The following STXBP5 variants were observed in gnomAD, a reference collection of about 807,000 sequenced individuals.
STXBP5 encodes the protein syntaxin binding protein 5.
STXBP5 carries 50 observed loss-of-function variants against 152.4 expected under a neutral mutation model. That is an observed-to-expected ratio of 0.33 (90% CI 0.26 to 0.42). The LOEUF (loss-of-function observed/expected upper bound fraction) is 0.42. STXBP5 is among the 10% of genes least tolerant of loss of function. The probability of loss-of-function intolerance (pLI) is 1.00; values close to 1 mark genes in which losing one functional copy is unlikely to be tolerated. For synonymous variants in STXBP5, 492 were observed against 494.7 expected (o/e 0.99, Z 0.07); for missense variants, 1,167 against 1,388.6 (o/e 0.84, Z 2.54).
At chr6:147,245,147 C>T (rs1304917055) in intron 4 of STXBP5, among the ~76,000 whole-genome samples, 1 of 151,712 alleles carries the variant, frequency 6.6e-6, no homozygotes, top group Non-Finnish European at 1.5e-5. Flanking sequence ...CACCACCAAG[C>T]CCGGCTAATT....
intron 25 of STXBP5, among the ~76,000 whole-genome samples, chr6:147,364,474 C>T (rs1785203696): frequency 6.6e-6 from 1 of 152,074 alleles, no homozygotes; most frequent in Non-Finnish European, 1.5e-5. Flanking sequence ...ATCTATTATA[C>T]ACACACACAG....
intron 9 of STXBP5, among the ~76,000 whole-genome samples, chr6:147,297,496 A>G (rs1272694782): frequency 1.3e-5 from 2 of 152,184 alleles, no homozygotes; most frequent in Admixed American, 6.5e-5. Context: ...AATTACTGTC[A>G]TGAAAACATC....
Position 147,311,440 on chromosome 6 carries a change from A to T in STXBP5, c.1073-15A>T. ...GCATTTTTGAAACTATAATTCATGC[A>T]TTGTCCAATTCCAGATTTTCAAGAA... On this transcript the variant is annotated splice_polypyrimidine_tract_variant and intron_variant, in intron 10 of 27. Transcript: ENST00000321680. The T allele has an allele frequency of 6.2e-7, 1 of 1,609,472 alleles. No homozygotes were observed. The highest frequency in any genetic ancestry group is 1.1e-5 in the South Asian group (1 of 90,506).
chr6:147,204,443 T>G lies in STXBP5; in HGVS notation c.-90T>G. On this transcript the variant is annotated 5_prime_UTR_variant, in exon 1 of 28. Transcript: ENST00000321680. This position sits in a 1 kb window ranked among gnomAD's most constrained non-coding sequence, Gnocchi z 4.3. ...CACTCCCACTCCTCCGTTTCCGCGG[T>G]CGAAGCTGCCTTCGGCCCCGGGTGG... 1 of 1,344,808 alleles carries G rather than the reference T, an allele frequency of 7.4e-7. No homozygotes were observed. Among genetic ancestry groups the G allele is most frequent in the South Asian group, 1.3e-5 (1 of 76,714 alleles). The allele number at this position is 1,344,808 out of a possible 1,614,324, so 83.3% of individuals were successfully genotyped here.
intron 21 of STXBP5, among the ~76,000 whole-genome samples, chr6:147,351,079 A>G (rs1298450849): frequency 6.6e-6 from 1 of 152,176 alleles, no homozygotes; most frequent in Non-Finnish European, 1.5e-5. Context: ...TGGGATTAAT[A>G]GTTTTGTCTT....
chr6:147,225,057 G>A (rs1777642887), intron 2 of STXBP5, among the ~76,000 whole-genome samples: 2 of 152,144 alleles, frequency 1.3e-5, no homozygotes, highest in African/African-American at 4.8e-5. Flanking sequence ...TACCCTGTTT[G>A]CTGAAAGTAA....
intron 19 of STXBP5, among the ~76,000 whole-genome samples, chr6:147,336,886 A>T (rs1297256001): frequency 6.6e-6 from 1 of 152,136 alleles, no homozygotes; most frequent in East Asian, 1.9e-4. Context: ...TTTAAATCTC[A>T]TAATCAAGAT....
intron 8 of STXBP5, among the ~76,000 whole-genome samples, chr6:147,289,966 T>G (rs1781197680): frequency 6.6e-6 from 1 of 152,210 alleles, no homozygotes; most frequent in African/African-American, 2.4e-5. Flanking sequence ...TTCAGGAGAC[T>G]GCGGCGGGCA....
chr6:147,377,137 C>G (rs373218808), intron 26 of STXBP5, among the ~76,000 whole-genome samples: 2 of 152,106 alleles, frequency 1.3e-5, no homozygotes, highest in East Asian at 3.9e-4. Context: ...GTTAAAATAA[C>G]TTTAGTGTAT....
At position 147,278,077 on chromosome 6, in the gene STXBP5, A is replaced by G. The variant is rs199612238; in HGVS notation, c.715-4A>G. On this transcript the variant is annotated splice_polypyrimidine_tract_variant and splice_region_variant and intron_variant, in intron 7 of 27. Coordinates refer to ENST00000321680, the MANE Select transcript of STXBP5 (RefSeq NM_001127715.4). ...TTTAAATGGTATTTTTCATCCTTCTATAGGCTATCCACTCTGTTGCTTGGC... is the reference window on the plus strand; with the variant it reads ...TTTAAATGGTATTTTTCATCCTTCTGTAGGCTATCCACTCTGTTGCTTGGC... The G allele has an allele frequency of 1.1e-5, 17 of 1,610,402 alleles. No individual in the cohort carries two copies. The highest frequency in any genetic ancestry group is 8.8e-5 in the South Asian group (8 of 90,766).
chr6:147,304,643 C>G (rs1216842317), intron 9 of STXBP5, among the ~76,000 whole-genome samples: 1 of 152,128 alleles, frequency 6.6e-6, no homozygotes, highest in Non-Finnish European at 1.5e-5. Context: ...AAGCTGCAGA[C>G]ACTCAACACC....
intron 4 of STXBP5, among the ~76,000 whole-genome samples, chr6:147,256,714 T>C (rs992213814): frequency 6.6e-6 from 1 of 152,066 alleles, no homozygotes; most frequent in Non-Finnish European, 1.5e-5. Context: ...GGAGAGGGAG[T>C]ACGCTGGGAA....
intron 25 of STXBP5, 59 bp downstream of exon 25, chr6:147,364,225 G>A (rs921527214): frequency 1.1e-5 from 16 of 1,447,728 alleles, no homozygotes; most frequent in Middle Eastern, 3.6e-4. Context: ...CTGAGGGCCC[G>A]TATACTGTCT....
chr6:147,359,025 C>T (rs1784938357), intron 22 of STXBP5, 59 bp from the exon 23 acceptor site: 1 of 1,559,982 alleles, frequency 6.4e-7, no homozygotes, highest in Non-Finnish European at 8.7e-7. Context: ...TATTAAAAAA[C>T]AACACAAATA....
chr6:147,241,749 G>A (rs557418328), intron 4 of STXBP5, among the ~76,000 whole-genome samples: 5 of 152,150 alleles, frequency 3.3e-5, no homozygotes, highest in African/African-American at 1.2e-4. Context: ...GATTAGGGAT[G>A]TTATAGCTGT....
In STXBP5 at chr6:147,388,467, A is replaced by T. The variant is rs1344514037; in HGVS notation, c.*3712A>T. 6.6e-6 allele frequency: 1 copy of T among 151,688 alleles called. No homozygotes were observed. The highest frequency in any genetic ancestry group is 1.5e-5 in the Non-Finnish European group (1 of 67,688). 9.4% of individuals were successfully genotyped at this position (151,688 alleles called of 1,614,324 possible). ...TAGTTTTAAAATGGAATTTTTATAAATGTACTTTAATTTTAAAATGGTGAA... is the reference window on the plus strand; with the variant it reads ...TAGTTTTAAAATGGAATTTTTATAATTGTACTTTAATTTTAAAATGGTGAA... On this transcript the variant is annotated 3_prime_UTR_variant, in exon 28 of 28. Coordinates refer to ENST00000321680, the MANE Select transcript of STXBP5 (RefSeq NM_001127715.4).
chr6:147,280,001 T>C (rs933184512), intron 8 of STXBP5, among the ~76,000 whole-genome samples: 17 of 152,184 alleles, frequency 1.1e-4, no homozygotes, highest in African/African-American at 4.1e-4. Flanking sequence ...GGATCTTTTT[T>C]TCTTTTGATC....
At chr6:147,260,300 G>A (rs1384294245) in intron 4 of STXBP5, among the ~76,000 whole-genome samples, 1 of 152,010 alleles carries the variant, frequency 6.6e-6, no homozygotes, top group Non-Finnish European at 1.5e-5. Flanking sequence ...TGAAATCATA[G>A]CTTATGGCCT....
chr6:147,271,499 A>T (rs1291085373), intron 7 of STXBP5, among the ~76,000 whole-genome samples: 1 of 152,180 alleles, frequency 6.6e-6, no homozygotes, highest in African/African-American at 2.4e-5. Flanking sequence ...TCAGTTATAT[A>T]GATGGAAAAT....
Sources: allele counts gnomAD v4.1 joint callset (sites outside exome capture counted in the v4.1 genomes callset), GRCh38; gene constraint gnomAD v4.1.1; non-coding constraint Gnocchi (gnomAD v3.1); transcripts MANE v1.5; gene names NCBI Gene and HGNC (gene_info 2026-07-23, HGNC 2026-07-21).